PTPRM: variants seen among roughly 807,000 people sequenced by gnomAD.
PTPRM encodes receptor-type tyrosine-protein phosphatase mu.
In PTPRM, 47 loss-of-function variants were observed where a neutral mutation model predicts 186.7. That is an observed-to-expected ratio of 0.25 (90% confidence interval 0.20 to 0.32). The LOEUF (loss-of-function observed/expected upper bound fraction) is 0.32, where lower values mean the gene tolerates loss of function less well. Among genes scored for constraint, PTPRM ranks in the 10% least tolerant of loss-of-function variants. The probability of loss-of-function intolerance (pLI) is 1.00; values close to 1 mark genes in which losing one functional copy is unlikely to be tolerated. For missense variants in PTPRM, 1,494 were observed against 1,865.0 expected, an observed-to-expected ratio of 0.80 and a Z score of 3.66; for synonymous variants, 668 against 674.9, an observed-to-expected ratio of 0.99 and a Z score of 0.16.
At chr18:8,224,087 G>C (rs1449770837) in intron 14 of PTPRM, among the ~76,000 whole-genome samples, 1 of 152,196 alleles carries the variant, frequency 6.6e-6, no homozygotes, top group African/African-American at 2.4e-5. Context: ...CTTTTGGCTA[G>C]ACAGCTCCCA....
rs6506573 is a variant in PTPRM at position 8,305,187 on chromosome 18, C to T, written c.2842+8732C>T. Reference sequence around the variant, plus strand: ...TTTATCAGATTTTTTGCTTGTTTGCCCACCATTCTTCAGTCTCCTGTTTAT... The same window carrying T: ...TTTATCAGATTTTTTGCTTGTTTGCTCACCATTCTTCAGTCTCCTGTTTAT... On this transcript the variant is annotated intron_variant, in intron 20 of 32. Coordinates refer to ENST00000580170, the MANE Select transcript of PTPRM (RefSeq NM_001105244.2). Among the ~76,000 whole-genome samples the T allele has an allele frequency of 2.6e-5, 4 of 152,184 alleles. No individual in the cohort carries two copies. In the East Asian group the frequency reaches 7.7e-4, roughly 29 times the overall value.
At chr18:7,602,189 T>G (rs2037419317) in intron 1 of PTPRM, among the ~76,000 whole-genome samples, 1 of 152,204 alleles carries the variant, frequency 6.6e-6, no homozygotes, top group African/African-American at 2.4e-5. Context: ...TGACCTCAAG[T>G]CAGAGCTGGG....
At chr18:8,341,203 G>A (rs1268881472) in intron 22 of PTPRM, among the ~76,000 whole-genome samples, 2 of 152,204 alleles carry the variant, frequency 1.3e-5, no homozygotes, top group East Asian at 3.9e-4. Context: ...AGAAATGTAA[G>A]TCGAGAAAGG....
At chr18:7,962,806 G>T (rs1384310912) in intron 7 of PTPRM, among the ~76,000 whole-genome samples, 1 of 152,190 alleles carries the variant, frequency 6.6e-6, no homozygotes, top group Non-Finnish European at 1.5e-5. Flanking sequence ...TTAAATCAAA[G>T]ATAGTAGTAT....
At chr18:7,670,221 G>A (rs2039189412) in intron 1 of PTPRM, among the ~76,000 whole-genome samples, 1 of 151,468 alleles carries the variant, frequency 6.6e-6, no homozygotes, top group African/African-American at 2.4e-5. Flanking sequence ...TGCATTTTAT[G>A]CTTACACCTC....
chr18:8,336,651 GAGAAGA>G (rs1351411166), intron 22 of PTPRM, among the ~76,000 whole-genome samples: 4 of 140,488 alleles, frequency 2.8e-5, no homozygotes, highest in South Asian at 2.4e-4. Context: ...GAAAAAGAAG[GAGAAGA>G]AGGAGGAGGA....
intron 1 of PTPRM, among the ~76,000 whole-genome samples, chr18:7,658,123 C>T (rs1232757272): frequency 2.0e-5 from 3 of 151,806 alleles, no homozygotes; most frequent in Non-Finnish European, 4.4e-5. Flanking sequence ...TACATTACAT[C>T]CCCAGAATTT....
chr18:7,910,005 C>T (rs74489155), intron 4 of PTPRM, among the ~76,000 whole-genome samples: 5,214 of 152,234 alleles, frequency 0.034, 153 homozygotes, highest in East Asian at 0.12. Context: ...ACAATAGCTT[C>T]CTAATGTTGC....
Position 7,920,892 on chromosome 18 carries a change from T to TA in PTPRM, c.548-5668dup, listed in dbSNP as rs1291008847. ...GCTGCAGTATTCTTGGATGGCAATT[T>TA]AAAAAAAATTTCCACACTTTGAAAA... On this transcript the variant is annotated intron_variant, in intron 4 of 32. Transcript: ENST00000580170. Among the ~76,000 whole-genome samples, 10 of 152,174 alleles carry TA rather than the reference T, an allele frequency of 6.6e-5. No individual in the cohort carries two copies. The South Asian group carries it at 1.9e-3, about 28-fold the overall frequency.
intron 1 of PTPRM, among the ~76,000 whole-genome samples, chr18:7,758,340 A>G (rs1351666526): frequency 6.6e-6 from 1 of 152,222 alleles, no homozygotes; most frequent in African/African-American, 2.4e-5. Flanking sequence ...TAGCAGCACC[A>G]TTGCAGGAAT....
chr18:8,047,791 C>T (rs565974002), intron 7 of PTPRM, among the ~76,000 whole-genome samples: 37 of 152,224 alleles, frequency 2.4e-4, no homozygotes, highest in African/African-American at 8.2e-4. Context: ...AACCCACACT[C>T]TCCTCATGTT....
chr18:7,657,882 C>A (rs909653449), intron 1 of PTPRM, among the ~76,000 whole-genome samples: 1 of 152,184 alleles, frequency 6.6e-6, no homozygotes, highest in Non-Finnish European at 1.5e-5. Context: ...GTCACCCTTT[C>A]ATTCTCCCTC....
chr18:7,792,248 A>C (rs1166431547), intron 2 of PTPRM, among the ~76,000 whole-genome samples: 1 of 152,154 alleles, frequency 6.6e-6, no homozygotes, highest in African/African-American at 2.4e-5. Flanking sequence ...TAATTTTTGT[A>C]GATTATTCTT....
intron 1 of PTPRM, among the ~76,000 whole-genome samples, chr18:7,572,089 T>C (rs1178537480): frequency 6.6e-6 from 1 of 152,182 alleles, no homozygotes; most frequent in African/African-American, 2.4e-5. Flanking sequence ...TGCTAAGAAA[T>C]TACTATAACA....
chr18:7,858,083 C>G (rs1168579308), intron 2 of PTPRM, among the ~76,000 whole-genome samples: 1 of 152,112 alleles, frequency 6.6e-6, no homozygotes, highest in Non-Finnish European at 1.5e-5. Context: ...AGCTTAGGTT[C>G]ATCATAGATC....
chr18:8,093,048 G>A (rs562992509), intron 11 of PTPRM, among the ~76,000 whole-genome samples: 46 of 151,864 alleles, frequency 3.0e-4, no homozygotes, highest in African/African-American at 8.2e-4. Flanking sequence ...GTTTTAAAAC[G>A]TTTCTCAGAA....
intron 14 of PTPRM, among the ~76,000 whole-genome samples, chr18:8,206,332 G>C (rs2093930445): frequency 6.6e-6 from 1 of 151,740 alleles, no homozygotes; most frequent in Non-Finnish European, 1.5e-5. Flanking sequence ...TCGGCTCACT[G>C]CAAGCTCCGC....
At chr18:7,756,895 G>A (rs1222751825) in intron 1 of PTPRM, among the ~76,000 whole-genome samples, 1 of 152,148 alleles carries the variant, frequency 6.6e-6, no homozygotes, top group African/African-American at 2.4e-5. Context: ...TCATCAATGT[G>A]GCAGTGTAAT....
At chr18:8,319,279 C>G (rs900624879) in intron 22 of PTPRM, 65 bp downstream of exon 22, 13 of 1,177,286 alleles carry the variant, frequency 1.1e-5, no homozygotes, top group African/African-American at 1.1e-4. Context: ...CATTTTGTAC[C>G]CACTTCACCC....
Sources: gnomAD v4.1 joint callset for allele counts (sites outside exome capture counted in the v4.1 genomes callset) on GRCh38, gnomAD v4.1.1 for gene constraint, MANE v1.5 for transcripts, NCBI Gene and HGNC (gene_info 2026-07-23, HGNC 2026-07-21) for gene names.